The following SLC16A9 variants were observed in gnomAD, a reference collection of about 807,000 sequenced individuals.
The protein encoded by SLC16A9 is monocarboxylate transporter 9.
A neutral mutation model predicts 44.3 loss-of-function variants in SLC16A9; 26 were observed. That is an observed-to-expected ratio of 0.59 (90% CI 0.43 to 0.81). The LOEUF (loss-of-function observed/expected upper bound fraction) is 0.81. SLC16A9 is among the 40% of genes least tolerant of loss of function. The pLI is 0.00. For missense variants in SLC16A9, 559 were observed against 595.8 expected, an observed-to-expected ratio of 0.94 and a Z score of 0.64; for synonymous variants, 230 against 225.1, an observed-to-expected ratio of 1.02 and a Z score of -0.19.
chr10:59,656,333 G>A (rs574740122), intron 4 of SLC16A9, among the ~76,000 whole-genome samples: 1 of 152,280 alleles, frequency 6.6e-6, no homozygotes, highest in South Asian at 2.1e-4. Context: ...TTCTAACAAA[G>A]TGTCACATCA....
intron 3 of SLC16A9, among the ~76,000 whole-genome samples, chr10:59,666,998 A>G (rs961115722): frequency 6.6e-6 from 1 of 152,090 alleles, no homozygotes; most frequent in Non-Finnish European, 1.5e-5. Context: ...GTGATGTTTT[A>G]CAATGAAATG....
intron 4 of SLC16A9, among the ~76,000 whole-genome samples, chr10:59,657,920 G>A (rs1839385467): frequency 6.6e-6 from 1 of 152,088 alleles, no homozygotes; most frequent in Non-Finnish European, 1.5e-5. Context: ...AAGGTCAGGG[G>A]GATGGGGGCT....
intron 1 of SLC16A9, among the ~76,000 whole-genome samples, chr10:59,701,122 T>C (rs573306484): frequency 6.6e-6 from 1 of 152,198 alleles, no homozygotes; most frequent in Non-Finnish European, 1.5e-5. Context: ...CCTGGAAAAC[T>C]GTCATGACCG....
At chr10:59,686,127 C>G (rs1840128027) in intron 1 of SLC16A9, among the ~76,000 whole-genome samples, 1 of 152,006 alleles carries the variant, frequency 6.6e-6, no homozygotes, top group Admixed American at 6.6e-5. Flanking sequence ...ATTCCTAATT[C>G]TTAGGTGTAT....
intron 1 of SLC16A9, among the ~76,000 whole-genome samples, chr10:59,708,363 C>T (rs1168526861): frequency 1.3e-5 from 2 of 152,174 alleles, no homozygotes; most frequent in Non-Finnish European, 2.9e-5. Context: ...TCTCTAGCTT[C>T]CTCAGCCCTC....
intron 3 of SLC16A9, among the ~76,000 whole-genome samples, chr10:59,669,431 G>C (rs904025521): frequency 6.6e-6 from 1 of 152,194 alleles, no homozygotes; most frequent in Non-Finnish European, 1.5e-5. Flanking sequence ...GTTTTACAAT[G>C]AAATGTGTTA....
At chr10:59,675,225 G>C (rs1839833600) in intron 2 of SLC16A9, among the ~76,000 whole-genome samples, 1 of 152,172 alleles carries the variant, frequency 6.6e-6, no homozygotes, top group Non-Finnish European at 1.5e-5. Flanking sequence ...AACTCAGAAA[G>C]ATCATGTGAT....
chr10:59,690,485 A>G (rs1840229518), intron 1 of SLC16A9, among the ~76,000 whole-genome samples: 1 of 152,164 alleles, frequency 6.6e-6, no homozygotes, highest in African/African-American at 2.4e-5. Flanking sequence ...GCAGGAGTGG[A>G]AGGGCCTCAT....
chr10:59,693,177 A>AT (rs1032728234), intron 1 of SLC16A9, among the ~76,000 whole-genome samples: 1 of 152,234 alleles, frequency 6.6e-6, no homozygotes, highest in African/African-American at 2.4e-5. Flanking sequence ...ACTGATTTTT[A>AT]TAACAATTTT....
rs562495802 is a variant in SLC16A9, at chr10:59,700,867, T to C, written c.-37+8612A>G. ...GACACTGTTTACGTCTCTGTTTTTA[T>C]GAACCACTGCCCCCTTGGCTTTCGT... On this transcript the variant is annotated intron_variant, in intron 1 of 5. Coordinates refer to ENST00000395348, the MANE Select transcript of SLC16A9 (RefSeq NM_194298.3). Among the ~76,000 whole-genome samples, 10 of 152,308 alleles carry C rather than the reference T, an allele frequency of 6.6e-5. No homozygotes were observed. In the East Asian group the frequency reaches 1.5e-3, roughly 24 times the overall value.
At chr10:59,684,411 GT>G in intron 1 of SLC16A9, 84 bp from the exon 2 acceptor site, 1 of 547,008 alleles carries the variant, frequency 1.8e-6, no homozygotes, top group Admixed American at 4.0e-5. Flanking sequence ...TCCTCCTAAA[GT>G]GAAAAAAAAA....
intron 5 of SLC16A9, among the ~76,000 whole-genome samples, chr10:59,653,443 A>AAAAAAAAAAAAAAAAAAAC (rs1839262239): frequency 6.7e-6 from 1 of 149,348 alleles, no homozygotes; most frequent in Non-Finnish European, 1.5e-5. Flanking sequence ...AAAAAAAAAA[A>AAAAAAAAAAAAAAAAAAAC]AAGCAGGCAT....
intron 2 of SLC16A9, among the ~76,000 whole-genome samples, chr10:59,676,632 A>T (rs1254757323): frequency 6.6e-6 from 1 of 152,200 alleles, no homozygotes; most frequent in African/African-American, 2.4e-5. Context: ...CTTTAAAAAT[A>T]TAATAACTGG....
In SLC16A9 at chr10:59,681,696, A is replaced by ATATGTATATGTATATGTATATGATG. The variant is rs1564705850; in HGVS notation, c.196+2399_196+2400insCATCATATACATATACATATACATA. On this transcript the variant is annotated intron_variant, in intron 2 of 5. Transcript: ENST00000395348. ...TGTATATGTATATGTATATGTATAT[A>ATATGTATATGTATATGTATATGATG]TATATGTATATGTATATGTATATGA... Among the ~76,000 whole-genome samples, 15 of 37,212 alleles carry ATATGTATATGTATATGTATATGATG rather than the reference A, an allele frequency of 4.0e-4. 4 individuals are homozygous for ATATGTATATGTATATGTATATGATG. The highest frequency in any genetic ancestry group is 2.4e-3 in the African/African-American group (15 of 6,382). 24.4% of individuals were successfully genotyped at this position (37,212 alleles called of 152,430 possible).
chr10:59,707,340 AAGGGAG>A (rs1287747235), intron 1 of SLC16A9, among the ~76,000 whole-genome samples: 43 of 129,374 alleles, frequency 3.3e-4, no homozygotes, highest in African/African-American at 1.2e-3. Flanking sequence ...AAGGGAGGGG[AAGGGAG>A]GGGAAGGGAA....
At position 59,652,152 on chromosome 10, in the gene SLC16A9, C is replaced by A. The variant is rs762325790; in HGVS notation, c.*620G>T. 2.0e-5 allele frequency: 3 copies of A among 152,200 alleles called. No homozygotes were observed. Among genetic ancestry groups the A allele is most frequent in the Non-Finnish European group, 2.9e-5 (2 of 68,034 alleles). The allele number at this position is 152,200 out of a possible 1,614,324, so 9.4% of individuals were successfully genotyped here. A position where few individuals can be genotyped will look rare whatever the true frequency, so the allele number is the denominator to read the frequency against. ...CAGTTGCTCAGTGGGTACCAAACAA[C>A]ATGCGAGTACTTCAGTGAGGTAAAT... is the stretch of plus-strand genomic sequence containing the variant. On this transcript the variant is annotated 3_prime_UTR_variant, in exon 6 of 6. Coordinates refer to ENST00000395348, the MANE Select transcript of SLC16A9 (RefSeq NM_194298.3).
At chr10:59,653,343 A>G (rs1213394652) in intron 5 of SLC16A9, among the ~76,000 whole-genome samples, 3 of 145,836 alleles carry the variant, frequency 2.1e-5, no homozygotes, top group Non-Finnish European at 4.5e-5. Flanking sequence ...GGAGAATGGC[A>G]TGAACCCAGA....
chr10:59,672,905 A>G lies in SLC16A9; in HGVS notation c.205T>C (p.Cys69Arg). ...SGVGLLASPV[C>R]SLCVSSFGAR... is the part of the protein sequence containing the mutation. ...CCAAAAGATGAGACACAGAGACTGC[A>G]GACAGGACCTAAAAAAAGAAATGAA... The change falls in exon 3 of 6, where the codon TGC (cysteine) becomes CGC (arginine). Residue 69 changes from cysteine (C) to arginine (R), a missense_variant. Transcript: ENST00000395348. 1 of 1,603,468 alleles carries G rather than the reference A, an allele frequency of 6.2e-7. No homozygotes were observed. The highest frequency in any genetic ancestry group is 8.5e-7 in the Non-Finnish European group (1 of 1,177,296).
intron 1 of SLC16A9, among the ~76,000 whole-genome samples, chr10:59,702,969 C>G (rs1445350967): frequency 6.6e-6 from 1 of 152,184 alleles, no homozygotes; most frequent in Non-Finnish European, 1.5e-5. Flanking sequence ...ATAAATACCC[C>G]TCATCCAAGT....
Sources: gnomAD v4.1 joint callset for allele counts (sites outside exome capture counted in the v4.1 genomes callset) on GRCh38, gnomAD v4.1.1 for gene constraint, MANE v1.5 for transcripts, NCBI Gene and HGNC (gene_info 2026-07-23, HGNC 2026-07-21) for gene names.